RSRP1: variants seen among roughly 807,000 people sequenced by gnomAD.
The protein encoded by RSRP1 is arginine/serine-rich protein 1.
RSRP1 carries 37 observed loss-of-function variants against 33.0 expected under a neutral mutation model. The observed-to-expected ratio is 1.12, with a 90% CI of 0.86 to 1.48. The LOEUF (loss-of-function observed/expected upper bound fraction) is 1.48. RSRP1 is among the 40% of genes most tolerant of loss of function. The pLI is 0.00. For missense variants in RSRP1, 402 were observed against 385.3 expected, an observed-to-expected ratio of 1.04 and a Z score of -0.36; for synonymous variants, 167 against 158.7, an observed-to-expected ratio of 1.05 and a Z score of -0.40.
At chr1:25,262,002 G>A (rs1640173447) in intron 1 of RSRP1, among the ~76,000 whole-genome samples, 1 of 152,148 alleles carries the variant, frequency 6.6e-6, no homozygotes, top group Admixed American at 6.5e-5. Flanking sequence ...GTGAGCCACT[G>A]TGCCTGGCCA....
At chr1:25,287,181 T>G (rs1642098686) in intron 1 of RSRP1, among the ~76,000 whole-genome samples, 1 of 135,332 alleles carries the variant, frequency 7.4e-6, no homozygotes, top group African/African-American at 2.6e-5. Context: ...ACACACACTG[T>G]GTCCACCTGG....
At chr1:25,290,844 A>G in intron 1 of RSRP1, 1 of 1,353,520 alleles carries the variant, frequency 7.4e-7, no homozygotes, top group Non-Finnish European at 1.0e-6. Flanking sequence ...CAAAAGCTCC[A>G]TTTGGTGGGG....
rs540526792 is a variant in RSRP1, at chr1:25,275,359, A to C, written c.-66-28330T>G. ...GGCAGACTCACTGGGCTGCATACGA[A>C]GTTTGGCTTCAGTCTGAGGTCCGAA... On this transcript the variant is annotated intron_variant, in intron 1 of 1. Transcript: ENST00000561867. 3.7e-4 allele frequency among the ~76,000 whole-genome samples: 49 copies of C among 132,420 alleles called. 3 individuals carry two copies. In the East Asian group the frequency reaches 4.9e-3, roughly 13 times the overall value. 86.9% of individuals were successfully genotyped at this position (132,420 alleles called of 152,430 possible). A position where few individuals can be genotyped will look rare whatever the true frequency, so the allele number is the denominator to read the frequency against.
At position 25,314,240 on chromosome 1, in the gene RSRP1, C is replaced by A. The variant is rs191261509; in HGVS notation, c.-67+23738G>T. Among the ~76,000 whole-genome samples, 16 of 133,066 alleles carry A rather than the reference C, an allele frequency of 1.2e-4. 1 individual carries two copies. In the East Asian group the frequency reaches 3.1e-3, roughly 26 times the overall value. 87.3% of individuals were successfully genotyped at this position (133,066 alleles called of 152,430 possible). ...CTCCTTTTACTCCACATTTTGCCAA[C>A]ACTTGGTGTTTTCCTTCTTTTTGAT... On this transcript the variant is annotated intron_variant, in intron 1 of 1. Coordinates refer to the RSRP1 transcript ENST00000561867.
chr1:25,273,141 C>A (rs1640636366), intron 1 of RSRP1, among the ~76,000 whole-genome samples: 1 of 129,466 alleles, frequency 7.7e-6, no homozygotes, highest in South Asian at 2.4e-4. Flanking sequence ...TCGCTCATTT[C>A]TTATTTCTTT....
intron 1 of RSRP1, among the ~76,000 whole-genome samples, chr1:25,321,411 A>G (rs2124146340): frequency 8.2e-6 from 1 of 121,986 alleles, no homozygotes; most frequent in Non-Finnish European, 1.9e-5. Flanking sequence ...CTGTAATACT[A>G]GCACTTTGGA....
At chr1:25,282,615 C>T (rs1327098321) in intron 1 of RSRP1, among the ~76,000 whole-genome samples, 1 of 132,618 alleles carries the variant, frequency 7.5e-6, no homozygotes, top group Non-Finnish European at 1.8e-5. Context: ...TATGCTTCCC[C>T]TTCCACCTTT....
rs140644196 is a variant in RSRP1 at position 25,300,037 on chromosome 1, G to A, written c.-67+37941C>T. ...AGTGCTGGGATTACAGGCAAAATTA[G>A]AATATATCTAGAATTTCCTGAAGAC... On this transcript the variant is annotated intron_variant, in intron 1 of 1. Transcript: ENST00000561867. 1.5e-5 allele frequency among the ~76,000 whole-genome samples: 2 copies of A among 131,136 alleles called. 1 individual carries two copies. The highest frequency in any genetic ancestry group is 3.6e-5 in the Non-Finnish European group (2 of 55,672). The allele number at this position is 131,136 out of a possible 152,430, so 86.0% of individuals were successfully genotyped here. A position where few individuals can be genotyped will look rare whatever the true frequency, so the allele number is the denominator to read the frequency against.
chr1:25,291,767 G>A lies in RSRP1; in HGVS notation c.-66-44738C>T, dbSNP rs1197602577. On this transcript the variant is annotated intron_variant, in intron 1 of 1. Coordinates refer to the RSRP1 transcript ENST00000561867. ...CTCTCATTGGGAGAGCCTGTCGAAA[G>A]TCTAAATTTGAAGGCAGCTGTGAAG... Among the ~76,000 whole-genome samples the A allele has an allele frequency of 3.0e-5, 4 of 132,742 alleles. 2 individuals are homozygous for A. The highest frequency in any genetic ancestry group is 7.1e-5 in the Non-Finnish European group (4 of 55,994). 87.1% of individuals were successfully genotyped at this position (132,742 alleles called of 152,430 possible).
At chr1:25,255,547 C>T (rs547867970) in intron 1 of RSRP1, among the ~76,000 whole-genome samples, 53 of 152,248 alleles carry the variant, frequency 3.5e-4, no homozygotes, top group African/African-American at 1.3e-3. Flanking sequence ...GGACCAGTTT[C>T]GTAGAAGACC....
Position 25,245,436 on chromosome 1 carries a change from A to G in RSRP1, c.521-135T>C, listed in dbSNP as rs969691247. 45 of 1,264,902 alleles carry G rather than the reference A, an allele frequency of 3.6e-5. No individual in the cohort carries two copies. The African/African-American group carries it at 5.3e-4, about 15-fold the overall frequency. The allele number at this position is 1,264,902 out of a possible 1,614,324, so 78.4% of individuals were successfully genotyped here. Reference sequence around the variant, plus strand: ...AAGTCACTTGTTTTATAATAGGTAAACTAAGGTTGCCCTTGAACACTAGTA... The same window carrying G: ...AAGTCACTTGTTTTATAATAGGTAAGCTAAGGTTGCCCTTGAACACTAGTA... On this transcript the variant is annotated intron_variant, in intron 2 of 4. Coordinates refer to ENST00000243189, the MANE Select transcript of RSRP1 (RefSeq NM_020317.5).
intron 1 of RSRP1, among the ~76,000 whole-genome samples, chr1:25,268,948 C>CAAA (rs59919895): frequency 2.8e-5 from 2 of 72,582 alleles, no homozygotes; most frequent in African/African-American, 9.8e-5. Flanking sequence ...AACTTCATCT[C>CAAA]AAAAAAAAAA....
chr1:25,262,775 G>A (rs962233462), intron 1 of RSRP1, among the ~76,000 whole-genome samples: 11 of 152,212 alleles, frequency 7.2e-5, no homozygotes, highest in African/African-American at 1.4e-4. Context: ...GAATGGAAGC[G>A]TGTATTCCAG....
Position 25,290,554 on chromosome 1 carries a change from AGAATGAATGAAT to A in RSRP1, c.-66-43537_-66-43526del, listed in dbSNP as rs112473736. On this transcript the variant is annotated intron_variant, in intron 1 of 1. Transcript: ENST00000561867. ...TAGGTGCCCAACAGTGTTTGTTGAAAGAATGAATGAATGAATGAATGAATGAATGAATGAGTG... is the reference window on the plus strand; with the variant it reads ...TAGGTGCCCAACAGTGTTTGTTGAAAGAATGAATGAATGAATGAATGAGTG... 202 of 1,099,946 alleles carry A rather than the reference AGAATGAATGAAT, an allele frequency of 1.8e-4. 22 individuals carry two copies. The East Asian group carries it at 3.1e-3, about 17-fold the overall frequency. The allele number at this position is 1,099,946 out of a possible 1,614,324, so 68.1% of individuals were successfully genotyped here. A position where few individuals can be genotyped will look rare whatever the true frequency, so the allele number is the denominator to read the frequency against.
rs1640362579 is a variant in RSRP1 at position 25,267,854 on chromosome 1, G to C, written c.-66-20825C>G. The stretch of plus-strand genomic sequence containing the variant: ...CGTACTCCAAACTAGCACTCCCGAC[G>C]TCCAGCTGTGAACCCAGAGCGGCGG... On this transcript the variant is annotated intron_variant, in intron 1 of 1. Transcript: ENST00000561867. The C allele has an allele frequency of 1.5e-5, 2 of 131,024 alleles. 1 individual carries two copies. The highest frequency in any genetic ancestry group is 1.5e-4 in the Admixed American group (2 of 13,562). 8.1% of individuals were successfully genotyped at this position (131,024 alleles called of 1,614,324 possible).
rs1247177394 is a variant in RSRP1 at position 25,272,000 on chromosome 1, C to T, written c.-66-24971G>A. On this transcript the variant is annotated intron_variant, in intron 1 of 1. Coordinates refer to the RSRP1 transcript ENST00000561867. ...GTGTAACTATGAGGAGTCAGTTCTA[C>T]GTGGGTCCTATCTGTATCCTCCCCA... Among the ~76,000 whole-genome samples, 2 of 131,920 alleles carry T rather than the reference C, an allele frequency of 1.5e-5. 1 individual carries two copies. Among genetic ancestry groups the T allele is most frequent in the Non-Finnish European group, 3.6e-5 (2 of 55,638 alleles). The allele number at this position is 131,920 out of a possible 152,430, so 86.5% of individuals were successfully genotyped here. A position where few individuals can be genotyped will look rare whatever the true frequency, so the allele number is the denominator to read the frequency against.
At chr1:25,293,192 G>A (rs1642659625) in intron 1 of RSRP1, among the ~76,000 whole-genome samples, 1 of 130,768 alleles carries the variant, frequency 7.6e-6, no homozygotes, top group African/African-American at 2.6e-5. Flanking sequence ...AAGGGGAACA[G>A]AGAAATGGAG....
Position 25,272,791 on chromosome 1 carries a change from A to G in RSRP1, c.-66-25762T>C, listed in dbSNP as rs1640603703. 14 of 1,303,102 alleles carry G rather than the reference A, an allele frequency of 1.1e-5. 4 individuals carry two copies. Among genetic ancestry groups the G allele is most frequent in the Non-Finnish European group, 1.5e-5 (14 of 918,126 alleles). The allele number at this position is 1,303,102 out of a possible 1,614,324, so 80.7% of individuals were successfully genotyped here. A position where few individuals can be genotyped will look rare whatever the true frequency, so the allele number is the denominator to read the frequency against. On this transcript the variant is annotated intron_variant, in intron 1 of 1. Transcript: ENST00000561867. ...TCCAGGGGCACAGATGTTCCTTTCTACAAAATCCCAAGGAAAAAGATTCCC... is the reference window on the plus strand; with the variant it reads ...TCCAGGGGCACAGATGTTCCTTTCTGCAAAATCCCAAGGAAAAAGATTCCC...
At chr1:25,269,103 A>C (rs922712255) in intron 1 of RSRP1, among the ~76,000 whole-genome samples, 3 of 132,186 alleles carry the variant, frequency 2.3e-5, no homozygotes, top group Admixed American at 7.4e-5. Flanking sequence ...AGTAGGAAAT[A>C]TTGTAAGTCA....
Sources: gnomAD v4.1 joint callset for allele counts (sites outside exome capture counted in the v4.1 genomes callset) on GRCh38, gnomAD v4.1.1 for gene constraint, MANE v1.5 for transcripts, NCBI Gene and HGNC (gene_info 2026-07-23, HGNC 2026-07-21) for gene names.